DAPK2: variants seen among roughly 807,000 people sequenced by gnomAD.
The protein encoded by DAPK2 is death associated protein kinase 2, also known as death-associated protein kinase 2.
Under a neutral mutation model 44.1 loss-of-function variants are expected in DAPK2, and 35 were observed. The observed-to-expected ratio is 0.79, with a 90% CI of 0.61 to 1.05. The LOEUF (loss-of-function observed/expected upper bound fraction) is 1.05, where lower values mean the gene tolerates loss of function less well. Among genes scored for constraint, DAPK2 ranks in the 50% least tolerant of loss-of-function variants. The pLI, the probability that DAPK2 is intolerant of heterozygous loss-of-function variation, is 0.00. For missense variants in DAPK2, 453 were observed against 483.2 expected (o/e 0.94, Z 0.59); for synonymous variants, 174 against 182.6 (o/e 0.95, Z 0.38).
At chr15:63,915,073 C>G (rs1004598367) in intron 8 of DAPK2, among the ~76,000 whole-genome samples, 2 of 152,154 alleles carry the variant, frequency 1.3e-5, no homozygotes, top group Non-Finnish European at 2.9e-5. Context: ...CATACCCTCC[C>G]CTAATGCTTT....
chr15:63,965,454 C>T (rs1224251426), intron 3 of DAPK2, among the ~76,000 whole-genome samples: 1 of 152,104 alleles, frequency 6.6e-6, no homozygotes, highest in Non-Finnish European at 1.5e-5. Context: ...TAACAGCTGC[C>T]TGGCTACTGG....
At chr15:63,997,213 T>C (rs776707888) in intron 1 of DAPK2, among the ~76,000 whole-genome samples, 25 of 152,192 alleles carry the variant, frequency 1.6e-4, no homozygotes, top group Non-Finnish European at 3.4e-4. Flanking sequence ...TCTAAGCCAT[T>C]ACAGGCTTTG....
exon 11 of DAPK2, chr15:63,907,582 G>C (rs1387461369): frequency 1.3e-5 from 2 of 152,188 alleles, no homozygotes; most frequent in Non-Finnish European, 2.9e-5. Flanking sequence ...CCTACACCTG[G>C]CTAATTTTTT....
chr15:63,993,568 T>C (rs888785358), intron 1 of DAPK2, among the ~76,000 whole-genome samples: 3 of 152,014 alleles, frequency 2.0e-5, no homozygotes, highest in African/African-American at 7.3e-5. Context: ...TTTCTCAAAA[T>C]GTTTGTGAAT....
At chr15:63,964,584 A>C (rs1339463625) in intron 3 of DAPK2, among the ~76,000 whole-genome samples, 1 of 152,002 alleles carries the variant, frequency 6.6e-6, no homozygotes, top group Non-Finnish European at 1.5e-5. Context: ...AATAACTCTT[A>C]AATTTGCCTT....
At chr15:63,926,231 A>G in intron 6 of DAPK2, 138 bp from the exon 8 acceptor site, 1 of 870,646 alleles carries the variant, frequency 1.1e-6, no homozygotes, top group South Asian at 1.7e-5. Context: ...CCCTCTGGGC[A>G]GCCAACCAGC....
At chr15:63,925,971 A>C (rs1300994606) in exon 7 of DAPK2, 24 of 1,614,088 alleles carry the variant, frequency 1.5e-5, no homozygotes, top group Non-Finnish European at 2.0e-5. Flanking sequence ...CTTCCGAATA[A>C]AGTCCTTGGC....
At chr15:64,028,348 T>C (rs1013397670) in intron 1 of DAPK2, among the ~76,000 whole-genome samples, 5 of 152,226 alleles carry the variant, frequency 3.3e-5, no homozygotes, top group Admixed American at 1.3e-4. Flanking sequence ...CATGAACCAC[T>C]GCACCCGACC....
intron 1 of DAPK2, among the ~76,000 whole-genome samples, chr15:64,032,228 A>T (rs1438331235): frequency 6.6e-6 from 1 of 152,196 alleles, no homozygotes; most frequent in African/African-American, 2.4e-5. Flanking sequence ...GGTCCAGAAT[A>T]AGAGGGAATT....
intron 8 of DAPK2, chr15:63,922,705 TG>T: frequency 6.7e-7 from 1 of 1,491,308 alleles, no homozygotes; most frequent in East Asian, 2.5e-5. Flanking sequence ...GCAAACCTCT[TG>T]GGATGCATCA....
intron 6 of DAPK2, 57 bp from the exon 8 acceptor site, chr15:63,926,150 T>C (rs1302723269): frequency 1.3e-6 from 2 of 1,551,028 alleles, no homozygotes; most frequent in Non-Finnish European, 1.7e-6. Context: ...GAAATGGGGA[T>C]TACGGACTCG....
chr15:63,985,014 C>T (rs959008924), intron 1 of DAPK2, among the ~76,000 whole-genome samples: 1 of 152,232 alleles, frequency 6.6e-6, no homozygotes, highest in African/African-American at 2.4e-5. Flanking sequence ...ACTTCAGAGA[C>T]GTTCCCAAAC....
chr15:63,985,649 A>G (rs1313277371), intron 1 of DAPK2, among the ~76,000 whole-genome samples: 1 of 152,230 alleles, frequency 6.6e-6, no homozygotes, highest in African/African-American at 2.4e-5. Flanking sequence ...CAGAGCACAT[A>G]GGCAGTGGCG....
At chr15:64,036,319 G>GTGTATATATATATATGTATATATATA in intron 1 of DAPK2, among the ~76,000 whole-genome samples, 1 of 56,666 alleles carries the variant, frequency 1.8e-5, no homozygotes, top group Admixed American at 2.7e-4. Context: ...GTATATATAT[G>GTGTATATATATATATGTATATATATA]TATATATATA....
chr15:63,974,262 T>A (rs1467012179), intron 2 of DAPK2, among the ~76,000 whole-genome samples: 12 of 152,218 alleles, frequency 7.9e-5, no homozygotes, highest in Admixed American at 7.9e-4. Context: ...TATTTAAAGA[T>A]GTTTATTCTG....
At position 64,020,221 on chromosome 15, in the gene DAPK2, C is replaced by T. The variant is rs1257836392; in HGVS notation, c.92+19949G>A. 6.6e-6 allele frequency among the ~76,000 whole-genome samples: 1 copy of T among 152,224 alleles called. No homozygotes were observed. Among genetic ancestry groups the T allele is most frequent in the Admixed American group, 6.5e-5 (1 of 15,280 alleles). On this transcript the variant is annotated intron_variant, in intron 1 of 10. Coordinates refer to ENST00000261891, the Ensembl canonical transcript of DAPK2. The surrounding 1 kb of genome is among the most constrained non-coding windows in gnomAD (Gnocchi z 4.5). ...GGGGGAAAGGAAACTGAGGACTTGC[C>T]TAAGCACAGGCAGCTCCAGAGCCAA...
intron 6 of DAPK2, chr15:63,928,201 T>C (rs1005908484): frequency 1.3e-5 from 2 of 152,570 alleles, no homozygotes; most frequent in Non-Finnish European, 2.9e-5. Context: ...CCCCTAGCAA[T>C]TGTGATATAA....
chr15:63,911,606 G>A, intron 10 of DAPK2: 1 of 419,200 alleles, frequency 2.4e-6, no homozygotes, highest in Non-Finnish European at 4.3e-6. Flanking sequence ...TACATTTTGG[G>A]TTGTCTGTGG....
chr15:63,919,203 AT>A (rs1303263952), intron 8 of DAPK2: 2 of 152,060 alleles, frequency 1.3e-5, no homozygotes. Flanking sequence ...ACTCTCTTTC[AT>A]TTGTCTTTAG....
Sources: allele counts gnomAD v4.1 joint callset (sites outside exome capture counted in the v4.1 genomes callset), GRCh38; gene constraint gnomAD v4.1.1; non-coding constraint Gnocchi (gnomAD v3.1); transcripts MANE v1.5; gene names NCBI Gene and HGNC (gene_info 2026-07-23, HGNC 2026-07-21).